The following EYS variants were observed in gnomAD, a reference collection of about 807,000 sequenced individuals.
The protein encoded by EYS is EGF-like photoreceptor maintenance factor, also known as protein eyes shut homolog.
EYS carries 250 observed loss-of-function variants against 282.1 expected under a neutral mutation model. The ratio of observed to expected loss-of-function variants is 0.89; its 90% CI spans 0.80 to 0.98. The LOEUF (loss-of-function observed/expected upper bound fraction) is 0.98, where lower values mean the gene tolerates loss of function less well. EYS is among the 50% of genes least tolerant of loss of function. The probability of loss-of-function intolerance (pLI) is 0.00; values close to 1 mark genes in which losing one functional copy is unlikely to be tolerated. For missense variants in EYS, 4,016 were observed against 3,709.0 expected (o/e 1.08, Z -2.15); for synonymous variants, 1,355 against 1,282.9 (o/e 1.06, Z -1.20).
At chr6:65,547,070 A>C (rs1768419486) in intron 2 of EYS, among the ~76,000 whole-genome samples, 1 of 151,868 alleles carries the variant, frequency 6.6e-6, no homozygotes, top group African/African-American at 2.4e-5. Flanking sequence ...AAAAACTGCC[A>C]GTCATCTCTT....
chr6:64,613,104 CTACTG>C (rs1374388272), intron 24 of EYS, among the ~76,000 whole-genome samples: 5 of 152,078 alleles, frequency 3.3e-5, no homozygotes, highest in African/African-American at 9.7e-5. Flanking sequence ...ATTGCATGTG[CTACTG>C]TATCAGCTGG....
At chr6:64,894,531 A>G (rs765516733) in intron 18 of EYS, among the ~76,000 whole-genome samples, 2 of 152,164 alleles carry the variant, frequency 1.3e-5, no homozygotes, top group Non-Finnish European at 2.9e-5. Flanking sequence ...GACATAATTC[A>G]GTTTGGCTTT....
At chr6:64,500,145 T>C (rs2150511314) in intron 26 of EYS, among the ~76,000 whole-genome samples, 1 of 152,216 alleles carries the variant, frequency 6.6e-6, no homozygotes, top group African/African-American at 2.4e-5. Context: ...TCAGATTCCC[T>C]CCCCTGCCCC....
chr6:64,911,576 T>C (rs1007459807), intron 16 of EYS, among the ~76,000 whole-genome samples: 23 of 152,138 alleles, frequency 1.5e-4, no homozygotes, highest in Admixed American at 1.4e-3. Flanking sequence ...TCCTTATTAT[T>C]AAGAGACTCC....
intron 12 of EYS, among the ~76,000 whole-genome samples, chr6:65,214,187 A>T (rs1308473567): frequency 6.8e-6 from 1 of 148,088 alleles, no homozygotes; most frequent in Non-Finnish European, 1.5e-5. Context: ...AAAAAAAAAA[A>T]AGCAAGCAAG....
At chr6:64,155,842 C>T (rs1015764190) in intron 31 of EYS, among the ~76,000 whole-genome samples, 1 of 151,784 alleles carries the variant, frequency 6.6e-6, no homozygotes, top group African/African-American at 2.4e-5. Flanking sequence ...CTTGTGTCTC[C>T]TTATATTTTG....
In EYS at chr6:65,120,721, C is replaced by A. The variant is rs546941847; in HGVS notation, c.2024-62994G>T. Among the ~76,000 whole-genome samples the A allele has an allele frequency of 1.1e-3, 169 of 152,180 alleles. 1 individual carries two copies. Among genetic ancestry groups the A allele is most frequent in the African/African-American group, 3.9e-3 (161 of 41,520 alleles). On this transcript the variant is annotated intron_variant, in intron 12 of 42. Transcript: ENST00000503581. The stretch of plus-strand genomic sequence containing the variant: ...CTCTTTCTGTGAATCACCTCTTCGC[C>A]CTCCCATTCTTTTGCTCAATTTTAG...
chr6:64,741,319 T>G (rs1772364696), intron 22 of EYS, among the ~76,000 whole-genome samples: 1 of 152,172 alleles, frequency 6.6e-6, no homozygotes, highest in Non-Finnish European at 1.5e-5. Flanking sequence ...AAAAACGGAC[T>G]TAACATATTC....
intron 26 of EYS, among the ~76,000 whole-genome samples, chr6:64,530,577 G>A (rs1394561312): frequency 6.6e-6 from 1 of 151,978 alleles, no homozygotes; most frequent in African/African-American, 2.4e-5. Flanking sequence ...ATATTACTGT[G>A]AGGTTTTCTT....
chr6:64,006,434 G>C (rs1371065067), intron 33 of EYS, among the ~76,000 whole-genome samples: 1 of 152,092 alleles, frequency 6.6e-6, no homozygotes, highest in Non-Finnish European at 1.5e-5. Context: ...TGTCTGCAGA[G>C]AGAGAGAGTT....
At chr6:65,209,905 A>T (rs1003637984) in intron 12 of EYS, among the ~76,000 whole-genome samples, 1 of 151,994 alleles carries the variant, frequency 6.6e-6, no homozygotes, top group Non-Finnish European at 1.5e-5. Flanking sequence ...AAATAGGTTG[A>T]CTTTAAGAGA....
chr6:65,089,066 G>A (rs956438491), intron 12 of EYS, among the ~76,000 whole-genome samples: 3 of 152,130 alleles, frequency 2.0e-5, no homozygotes, highest in Non-Finnish European at 2.9e-5. Context: ...TAGATGTCCA[G>A]GCAGAAGTTT....
rs559656809 is a variant in EYS, at chr6:65,689,146, T to C, written c.-448+17989A>G. On this transcript the variant is annotated intron_variant, in intron 1 of 42. Coordinates refer to ENST00000503581, the MANE Select transcript of EYS (RefSeq NM_001142800.2). ...ACCCAAACGTCCAACAATGATAGAC[T>C]GGATTAAGAAAATGTGGTACATATT... Among the ~76,000 whole-genome samples, 35 of 150,170 alleles carry C rather than the reference T, an allele frequency of 2.3e-4. 1 individual carries two copies. The highest frequency in any genetic ancestry group is 3.8e-4 in the Non-Finnish European group (26 of 67,682).
intron 31 of EYS, among the ~76,000 whole-genome samples, chr6:64,124,875 A>G (rs1317711071): frequency 2.0e-5 from 3 of 152,206 alleles, no homozygotes; most frequent in Admixed American, 6.5e-5. Flanking sequence ...ATGTGCAAAG[A>G]GCGATAAAGC....
At chr6:64,991,054 A>C (rs1771045174) in intron 14 of EYS, among the ~76,000 whole-genome samples, 1 of 151,410 alleles carries the variant, frequency 6.6e-6, no homozygotes, top group African/African-American at 2.4e-5. Flanking sequence ...TATACAGGTC[A>C]TCAGATGAGG....
At chr6:63,834,371 C>A (rs982626528) in intron 36 of EYS, among the ~76,000 whole-genome samples, 7 of 149,742 alleles carry the variant, frequency 4.7e-5, no homozygotes, top group Admixed American at 2.0e-4. Context: ...CAAGAAAAAA[C>A]CCCATCAAAA....
intron 30 of EYS, among the ~76,000 whole-genome samples, chr6:64,246,449 G>C (rs1767027387): frequency 6.6e-6 from 1 of 152,050 alleles, no homozygotes; most frequent in African/African-American, 2.4e-5. Flanking sequence ...TATGAATGTA[G>C]CTTTTGAAGG....
chr6:64,730,287 G>A (rs1228049644), intron 22 of EYS, among the ~76,000 whole-genome samples: 1 of 152,106 alleles, frequency 6.6e-6, no homozygotes, highest in African/African-American at 2.4e-5. Context: ...CTCTGAGACA[G>A]GAGGAAGAAA....
chr6:64,886,806 G>A lies in EYS; in HGVS notation c.2883C>T (p.Pro961=), dbSNP rs1022377816. Residue 961 remains proline (P), a synonymous_variant, in exon 19 of 43, where the codon CCC becomes CCT. Transcript: ENST00000503581. ...ATTTATTTACATCAAGTTCACAGAA[G>A]GGCCCATGGTACTCAGGTTCACAAT... The part of the protein sequence containing the change: ...FCNCEPEYHG[P]FCELDVNKCK... 40 of 1,545,444 alleles carry A rather than the reference G, an allele frequency of 2.6e-5. No homozygotes were observed. The highest frequency in any genetic ancestry group is 3.2e-5 in the Non-Finnish European group (37 of 1,143,452).
Sources: gnomAD v4.1 joint callset for allele counts (sites outside exome capture counted in the v4.1 genomes callset) on GRCh38, gnomAD v4.1.1 for gene constraint, MANE v1.5 for transcripts, NCBI Gene and HGNC (gene_info 2026-07-23, HGNC 2026-07-21) for gene names.